The following PAIP2 variants were observed in gnomAD, a reference collection of about 807,000 sequenced individuals.
PAIP2 encodes polyadenylate-binding protein-interacting protein 2.
PAIP2 carries 7 observed loss-of-function variants against 14.8 expected under a neutral mutation model. The observed-to-expected ratio is 0.47, with a 90% confidence interval of 0.27 to 0.89. The LOEUF (loss-of-function observed/expected upper bound fraction) is 0.89, where lower values mean the gene tolerates loss of function less well. PAIP2 is among the 40% of genes least tolerant of loss of function. The pLI, the probability that PAIP2 is intolerant of heterozygous loss-of-function variation, is 0.13. For missense variants in PAIP2, 122 were observed against 154.7 expected (o/e 0.79, Z 1.12); for synonymous variants, 47 against 45.3 (o/e 1.04, Z -0.15).
intron 1 of PAIP2, among the ~76,000 whole-genome samples, chr5:139,345,928 A>G (rs1028363553): frequency 1.3e-5 from 2 of 152,150 alleles, no homozygotes; most frequent in African/African-American, 2.4e-5. Context: ...CACCAGGCCT[A>G]TATTTGAATT....
chr5:139,342,238 C>T (rs2152041991), intron 1 of PAIP2, among the ~76,000 whole-genome samples: 1 of 152,142 alleles, frequency 6.6e-6, no homozygotes, highest in East Asian at 1.9e-4. Context: ...GCTCTCTATC[C>T]GGGTCCTCAG....
At chr5:139,368,564 T>C (rs1294039184) in intron 3 of PAIP2, among the ~76,000 whole-genome samples, 169 bp from the exon 4 acceptor site, 2 of 151,560 alleles carry the variant, frequency 1.3e-5, no homozygotes, top group Admixed American at 6.6e-5. Flanking sequence ...TAATTTAATA[T>C]GATATATAGC....
intron 1 of PAIP2, among the ~76,000 whole-genome samples, chr5:139,347,317 A>T (rs754015815): frequency 1.6e-5 from 2 of 125,626 alleles, no homozygotes; most frequent in Non-Finnish European, 3.1e-5. Flanking sequence ...TCTGTCGCCC[A>T]GGCTGGAGTG....
At chr5:139,367,941 C>T (rs1489669466) in intron 3 of PAIP2, among the ~76,000 whole-genome samples, 1 of 152,218 alleles carries the variant, frequency 6.6e-6, no homozygotes, top group Non-Finnish European at 1.5e-5. Context: ...CAGTGGCTCA[C>T]GCCTGTAGTC....
intron 1 of PAIP2, among the ~76,000 whole-genome samples, chr5:139,348,267 C>T (rs1561957277): frequency 6.6e-6 from 1 of 151,922 alleles, no homozygotes; most frequent in East Asian, 1.9e-4. Context: ...TGGCTCACTG[C>T]AGCCTCTGCC....
chr5:139,350,361 G>A lies in PAIP2; in HGVS notation c.-27+8381G>A, dbSNP rs947088909. On this transcript the variant is annotated intron_variant, in intron 1 of 3. Transcript: ENST00000265192. ...GAAATAGAAATCACAGGCCAGGGGC[G>A]GTGGCTCATGCCTGTAATCCCAGCA... 5.9e-5 allele frequency among the ~76,000 whole-genome samples: 9 copies of A among 151,690 alleles called. 1 individual carries two copies. Among genetic ancestry groups the A allele is most frequent in the African/African-American group, 2.2e-4 (9 of 41,268 alleles).
intron 1 of PAIP2, among the ~76,000 whole-genome samples, chr5:139,350,177 A>G (rs1267876640): frequency 6.8e-6 from 1 of 146,788 alleles, no homozygotes; most frequent in Non-Finnish European, 1.5e-5. Context: ...CTCTGTCTCA[A>G]AAAAAAAAAA....
At chr5:139,361,079 C>A (rs1432811402) in intron 1 of PAIP2, among the ~76,000 whole-genome samples, 1 of 152,102 alleles carries the variant, frequency 6.6e-6, no homozygotes, top group Non-Finnish European at 1.5e-5. Flanking sequence ...CAGTGCCCGG[C>A]CTGCCTTTCT....
rs1489980031 is a variant in PAIP2 at position 139,364,761 on chromosome 5, A to G, written c.318+18A>G. ...ATCTTGTGGTAAAAAGTTATTTTTC[A>G]TCTTTTTAAAACCTAGTGCATCTTT... On this transcript the variant is annotated intron_variant, in intron 3 of 3. Transcript: ENST00000265192. 7.1e-6 allele frequency: 11 copies of G among 1,556,462 alleles called. No homozygotes were observed. Among genetic ancestry groups the G allele is most frequent in the Non-Finnish European group, 8.8e-6 (10 of 1,135,376 alleles).
chr5:139,345,034 TTTGTTGTTGTTG>T (rs369393131), intron 1 of PAIP2, among the ~76,000 whole-genome samples: 2 of 151,636 alleles, frequency 1.3e-5, no homozygotes, highest in African/African-American at 4.8e-5. Context: ...CCCATGGGTT[TTTGTTGTTGTTG>T]TTGTTGTTGT....
chr5:139,368,179 C>T (rs1168594240), intron 3 of PAIP2, among the ~76,000 whole-genome samples: 1 of 151,962 alleles, frequency 6.6e-6, no homozygotes, highest in African/African-American at 2.4e-5. Context: ...ACTAAAAATA[C>T]AACAAAAAAT....
intron 3 of PAIP2, among the ~76,000 whole-genome samples, chr5:139,365,976 C>T (rs902095448): frequency 3.9e-5 from 6 of 152,040 alleles, no homozygotes; most frequent in Admixed American, 2.6e-4. Flanking sequence ...CCGAGGCACG[C>T]GGATCACGAG....
chr5:139,343,437 T>A (rs1023189315), intron 1 of PAIP2: 17 of 152,334 alleles, frequency 1.1e-4, no homozygotes, highest in Admixed American at 3.3e-4. Flanking sequence ...TTGGTCAGAA[T>A]GAGTTTATAG....
intron 3 of PAIP2, among the ~76,000 whole-genome samples, chr5:139,367,872 C>T (rs1382974190): frequency 6.6e-6 from 1 of 152,166 alleles, no homozygotes; most frequent in Non-Finnish European, 1.5e-5. Flanking sequence ...TACACTTAAG[C>T]AAACTGAATT....
chr5:139,353,267 T>G (rs966076786), intron 1 of PAIP2, among the ~76,000 whole-genome samples: 25 of 152,164 alleles, frequency 1.6e-4, no homozygotes, highest in Admixed American at 1.0e-3. Flanking sequence ...AATTAGGGCC[T>G]TCTTTTGTGT....
At chr5:139,356,592 A>T (rs186498107) in intron 1 of PAIP2, among the ~76,000 whole-genome samples, 15 of 151,910 alleles carry the variant, frequency 9.9e-5, no homozygotes, top group African/African-American at 3.6e-4. Context: ...TGAAAATGAC[A>T]TTTCGGGCTG....
chr5:139,360,722 C>G (rs1307755714), intron 1 of PAIP2, among the ~76,000 whole-genome samples: 2 of 151,808 alleles, frequency 1.3e-5, no homozygotes, highest in Non-Finnish European at 2.9e-5. Context: ...GTTGACCTCC[C>G]AAAGTGTTGG....
At chr5:139,350,256 G>A (rs147716997) in intron 1 of PAIP2, among the ~76,000 whole-genome samples, 3 of 152,004 alleles carry the variant, frequency 2.0e-5, no homozygotes, top group African/African-American at 7.2e-5. Flanking sequence ...TGTAGTAGAG[G>A]ACTTGGATAA....
intron 1 of PAIP2, among the ~76,000 whole-genome samples, chr5:139,353,924 G>A (rs1581304817): frequency 6.6e-6 from 1 of 152,056 alleles, no homozygotes; most frequent in East Asian, 1.9e-4. Context: ...GTTTTGCCAT[G>A]TTGGCCAGGC....
Sources: gnomAD v4.1 joint callset for allele counts (sites outside exome capture counted in the v4.1 genomes callset) on GRCh38, gnomAD v4.1.1 for gene constraint, MANE v1.5 for transcripts, NCBI Gene and HGNC (gene_info 2026-07-23, HGNC 2026-07-21) for gene names.